The following OSTN variants were observed in gnomAD, a reference collection of about 807,000 sequenced individuals.
The protein encoded by OSTN is osteocrin.
OSTN carries 9 observed loss-of-function variants against 12.0 expected under a neutral mutation model. That is an observed-to-expected ratio of 0.75 (90% CI 0.45 to 1.30). OSTN has a LOEUF of 1.30. OSTN is among the 50% of genes most tolerant of loss of function. The pLI is 0.00. For synonymous variants in OSTN, 59 were observed against 56.9 expected (o/e 1.04, Z -0.16); for missense variants, 148 against 152.3 (o/e 0.97, Z 0.15).
intron 2 of OSTN, among the ~76,000 whole-genome samples, chr3:191,212,863 C>CTT (rs1714498190): frequency 1.9e-5 from 2 of 104,660 alleles, no homozygotes; most frequent in South Asian, 3.3e-4. Flanking sequence ...CTTTTCTTTT[C>CTT]TTTCTTTTTT....
intron 4 of OSTN, among the ~76,000 whole-genome samples, chr3:191,251,231 T>A (rs1715555422): frequency 6.6e-6 from 1 of 152,058 alleles, no homozygotes; most frequent in South Asian, 2.1e-4. Flanking sequence ...CACATAGAAT[T>A]AAAATCCAGA....
chr3:191,223,164 C>G (rs1714813801), intron 3 of OSTN, among the ~76,000 whole-genome samples: 1 of 152,122 alleles, frequency 6.6e-6, no homozygotes, highest in Non-Finnish European at 1.5e-5. Flanking sequence ...TATAATCTAT[C>G]TAGCTAGCTA....
chr3:191,217,659 G>C (rs1448381998), intron 2 of OSTN, among the ~76,000 whole-genome samples: 15 of 152,182 alleles, frequency 9.9e-5, no homozygotes, highest in Admixed American at 9.8e-4. Flanking sequence ...TTATGATTTG[G>C]ATGAAGTACA....
At chr3:191,237,221 T>C (rs9845015) in intron 3 of OSTN, among the ~76,000 whole-genome samples, 91,865 of 152,078 alleles carry the variant, frequency 0.6, 28,940 homozygotes, top group Middle Eastern at 0.73. Context: ...TACAAAGAAA[T>C]TAAAGTTCTG....
chr3:191,221,317 C>T (rs1472430928), intron 3 of OSTN, among the ~76,000 whole-genome samples: 2 of 151,922 alleles, frequency 1.3e-5, no homozygotes, highest in Non-Finnish European at 2.9e-5. Context: ...TATAAAGACA[C>T]CTGAAAATGT....
At chr3:191,251,554 T>C (rs980579198) in intron 4 of OSTN, among the ~76,000 whole-genome samples, 2 of 152,190 alleles carry the variant, frequency 1.3e-5, no homozygotes, top group Admixed American at 1.3e-4. Context: ...TTTTCCCTCC[T>C]CCTCATGCTC....
At chr3:191,226,984 A>T (rs1158693129) in intron 3 of OSTN, among the ~76,000 whole-genome samples, 1 of 152,160 alleles carries the variant, frequency 6.6e-6, no homozygotes, top group Non-Finnish European at 1.5e-5. Context: ...CAGACGTAAA[A>T]TTTGAATAGA....
chr3:191,238,037 G>A (rs970742717), intron 3 of OSTN, among the ~76,000 whole-genome samples: 2 of 152,136 alleles, frequency 1.3e-5, no homozygotes, highest in Admixed American at 6.5e-5. Flanking sequence ...CTAATTTGTT[G>A]TGAAGAAATG....
chr3:191,233,634 A>G (rs567073745), intron 3 of OSTN, among the ~76,000 whole-genome samples: 1 of 152,214 alleles, frequency 6.6e-6, no homozygotes, highest in South Asian at 2.1e-4. Flanking sequence ...TACAGGCATG[A>G]GCTACCACGC....
intron 1 of OSTN, among the ~76,000 whole-genome samples, chr3:191,201,433 G>A (rs879898076): frequency 6.6e-6 from 1 of 151,838 alleles, no homozygotes; most frequent in Non-Finnish European, 1.5e-5. Flanking sequence ...TATTCCCAGG[G>A]TACCTAAGGC....
At chr3:191,206,448 G>A (rs1176451095) in intron 1 of OSTN, among the ~76,000 whole-genome samples, 1 of 152,188 alleles carries the variant, frequency 6.6e-6, no homozygotes, top group Non-Finnish European at 1.5e-5. Context: ...TACTGAAAGT[G>A]AAAGAGGAAA....
intron 1 of OSTN, among the ~76,000 whole-genome samples, chr3:191,208,893 C>T (rs1045630482): frequency 3.9e-5 from 6 of 152,216 alleles, no homozygotes; most frequent in Non-Finnish European, 7.3e-5. Context: ...CGTGGTGGCT[C>T]ACGCCTATAA....
At chr3:191,260,112 G>C (rs972545719) in intron 4 of OSTN, among the ~76,000 whole-genome samples, 4 of 151,988 alleles carry the variant, frequency 2.6e-5, no homozygotes, top group Admixed American at 2.6e-4. Context: ...CCCTCCCAAA[G>C]TGCTGGGATT....
intron 4 of OSTN, among the ~76,000 whole-genome samples, chr3:191,253,765 G>A (rs1715614001): frequency 1.3e-5 from 2 of 152,324 alleles, no homozygotes; most frequent in Admixed American, 1.3e-4. Flanking sequence ...GGGAAGGGCT[G>A]GTTGCATTAA....
intron 1 of OSTN, among the ~76,000 whole-genome samples, chr3:191,203,631 A>T (rs560145812): frequency 4.6e-5 from 7 of 152,344 alleles, no homozygotes; most frequent in Non-Finnish European, 8.8e-5. Flanking sequence ...CAGTCATTTT[A>T]AAATGTAGGT....
intron 3 of OSTN, among the ~76,000 whole-genome samples, chr3:191,219,807 A>C (rs1022915554): frequency 1.3e-5 from 2 of 152,322 alleles, no homozygotes; most frequent in South Asian, 4.1e-4. Context: ...TTTGCTTTAC[A>C]TATTAAATAT....
chr3:191,200,758 A>G (rs1459411235), intron 1 of OSTN, among the ~76,000 whole-genome samples: 1 of 152,220 alleles, frequency 6.6e-6, no homozygotes, highest in Admixed American at 6.5e-5. Context: ...TCAGTATCAC[A>G]GAAGTTTAGG....
At chr3:191,223,326 A>G (rs1714817601) in intron 3 of OSTN, among the ~76,000 whole-genome samples, 1 of 152,350 alleles carries the variant, frequency 6.6e-6, no homozygotes, top group South Asian at 2.1e-4. Flanking sequence ...ATCCTGAGGA[A>G]GCTAATACAT....
chr3:191,217,368 A>G (rs1316053988), intron 2 of OSTN, among the ~76,000 whole-genome samples: 4 of 152,224 alleles, frequency 2.6e-5, no homozygotes, highest in Non-Finnish European at 1.5e-5. Flanking sequence ...TCAAAAGACA[A>G]TAGAAGGAAT....
Sources: allele counts gnomAD v4.1 joint callset (sites outside exome capture counted in the v4.1 genomes callset), GRCh38; gene constraint gnomAD v4.1.1; transcripts MANE v1.5; gene names NCBI Gene and HGNC (gene_info 2026-07-23, HGNC 2026-07-21).